The following IFFO1 variants were observed in gnomAD, a reference collection of about 807,000 sequenced individuals.
IFFO1 encodes the protein intermediate filament family orphan 1, also known as non-homologous end joining factor IFFO1.
Under a neutral mutation model 59.6 loss-of-function variants are expected in IFFO1, and 42 were observed. The observed-to-expected ratio is 0.70, with a 90% CI of 0.55 to 0.91. IFFO1 has a LOEUF of 0.91. Ranked by LOEUF, IFFO1 falls within the 40% of genes least tolerant of loss-of-function variation. IFFO1 has a pLI of 0.00. For missense variants in IFFO1, 711 were observed against 793.2 expected (o/e 0.90, Z 1.24); for synonymous variants, 336 against 342.8 (o/e 0.98, Z 0.22).
chr12:6,549,736 G>T lies in IFFO1; in HGVS notation c.1071+20C>A. 6.2e-7 allele frequency: 1 copy of T among 1,602,096 alleles called. No homozygotes were observed. The highest frequency in any genetic ancestry group is 1.1e-5 in the South Asian group (1 of 90,484). The stretch of plus-strand genomic sequence containing the variant: ...CCTGCCCCACCCACCCCTGAGAGCA[G>T]AGGGCAGCTCCGTCCTCACCTGGAA... On this transcript the variant is annotated intron_variant, in intron 4 of 9. Transcript: ENST00000619571. The surrounding 1 kb of genome is among the most constrained non-coding windows in gnomAD (Gnocchi z 5.0).
rs752590339 is a variant in IFFO1 at position 6,541,671 on chromosome 12, G to T, written c.1480-29C>A. ...TGGTGGGGCAGGCAGGGCCATCGGG[G>T]TTAACAGGTGGCGTTCACAGCGCCT... is the stretch of plus-strand genomic sequence containing the variant. On this transcript the variant is annotated intron_variant, in intron 8 of 9. Coordinates refer to ENST00000619571, the MANE Select transcript of IFFO1 (RefSeq NM_001193457.2). This position sits in a 1 kb window ranked among gnomAD's most constrained non-coding sequence, Gnocchi z 4.8. 28 of 1,612,884 alleles carry T rather than the reference G, an allele frequency of 1.7e-5. No individual in the cohort carries two copies. The highest frequency in any genetic ancestry group is 5.5e-5 in the South Asian group (5 of 91,078).
At chr12:6,546,661 T>G (rs1395169387) in intron 8 of IFFO1, among the ~76,000 whole-genome samples, 1 of 152,142 alleles carries the variant, frequency 6.6e-6, no homozygotes, top group East Asian at 1.9e-4. Flanking sequence ...TTTTTTTTTT[T>G]TGTATTTTTC....
rs766568428 is a variant in IFFO1 at position 6,549,455 on chromosome 12, C to T, written c.1080+21G>A. Reference sequence around the variant, plus strand: ...AAACTGGGACTGGGACATTAATAAGCTTGCGTGAGATCAAACTAACCAGCT... The same window carrying T: ...AAACTGGGACTGGGACATTAATAAGTTTGCGTGAGATCAAACTAACCAGCT... On this transcript the variant is annotated intron_variant, in intron 5 of 9. Transcript: ENST00000619571. This position sits in a 1 kb window ranked among gnomAD's most constrained non-coding sequence, Gnocchi z 5.0. 5 of 1,613,838 alleles carry T rather than the reference C, an allele frequency of 3.1e-6. No homozygotes were observed. The East Asian group carries it at 8.9e-5, about 29-fold the overall frequency.
intron 8 of IFFO1, among the ~76,000 whole-genome samples, chr12:6,545,147 G>A (rs954161127): frequency 4.8e-4 from 73 of 151,944 alleles, no homozygotes; most frequent in Non-Finnish European, 1.3e-4. Context: ...CCTGGGAGGT[G>A]GAGCTTGCAG....
rs1040540877 is a variant in IFFO1 at position 6,555,182 on chromosome 12, G to A, written c.773+75C>T. 6.9e-7 allele frequency: 1 copy of A among 1,455,034 alleles called. No homozygotes were observed. Among genetic ancestry groups the A allele is most frequent in the Middle Eastern group, 2.2e-4 (1 of 4,630 alleles). 90.1% of individuals were successfully genotyped at this position (1,455,034 alleles called of 1,614,324 possible). A position where few individuals can be genotyped will look rare whatever the true frequency, so the allele number is the denominator to read the frequency against. Reference sequence around the variant, plus strand: ...TCATTCTTTTCACCCCTGATTCTTCGGAACCCACACCAACTCGCGGCCCGT... The same window carrying A: ...TCATTCTTTTCACCCCTGATTCTTCAGAACCCACACCAACTCGCGGCCCGT... On this transcript the variant is annotated intron_variant, in intron 1 of 9. Transcript: ENST00000619571. The surrounding 1 kb of genome is among the most constrained non-coding windows in gnomAD (Gnocchi z 8.6).
chr12:6,542,709 G>A (rs534896699), intron 8 of IFFO1, among the ~76,000 whole-genome samples: 1 of 152,320 alleles, frequency 6.6e-6, no homozygotes, highest in South Asian at 2.1e-4. Flanking sequence ...TGGATCCACA[G>A]CTGGGGCCCC....
chr12:6,552,799 G>A (rs1231472275), intron 1 of IFFO1, among the ~76,000 whole-genome samples: 1 of 152,192 alleles, frequency 6.6e-6, no homozygotes, highest in Non-Finnish European at 1.5e-5. Flanking sequence ...GCCCACTACA[G>A]TTCTATTTGT....
rs1422848699 is a variant in IFFO1 at position 6,550,226 on chromosome 12, A to G, written c.931-330T>C. 9.3e-5 allele frequency: 32 copies of G among 344,870 alleles called. No homozygotes were observed. In the East Asian group the frequency reaches 1.5e-3, roughly 17 times the overall value. The allele number at this position is 344,870 out of a possible 1,614,324, so 21.4% of individuals were successfully genotyped here. A position where few individuals can be genotyped will look rare whatever the true frequency, so the allele number is the denominator to read the frequency against. The stretch of plus-strand genomic sequence containing the variant: ...AGAACTTACATTCCCAGAGAGAAAG[A>G]GACTCCTGGGAATTATAAGAGTGGA... On this transcript the variant is annotated intron_variant, in intron 3 of 9. Transcript: ENST00000619571.
Position 6,548,482 on chromosome 12 carries a change from C to T in IFFO1, c.1326G>A (p.Leu442=). 6.2e-7 allele frequency: 1 copy of T among 1,614,044 alleles called. No individual in the cohort carries two copies. The highest frequency in any genetic ancestry group is 8.5e-7 in the Non-Finnish European group (1 of 1,179,948). The change falls in exon 7 of 10, where the codon CTG becomes CTA. Residue 442 remains leucine (L), a synonymous_variant. Transcript: ENST00000619571. The surrounding 1 kb of genome is among the most constrained non-coding windows in gnomAD (Gnocchi z 6.1). ...SLTWEETEET[L]LLWEDFSGYA... ...AGCCTGAGAAATCCTCCCAAAGCAG[C>T]AGGGTCTCCTCAGTCTCCTCCCAAG...
chr12:6,549,288 G>A lies in IFFO1; in HGVS notation c.1080+188C>T. 1 of 659,762 alleles carries A rather than the reference G, an allele frequency of 1.5e-6. No individual in the cohort carries two copies. The highest frequency in any genetic ancestry group is 2.7e-6 in the Non-Finnish European group (1 of 371,306). 40.9% of individuals were successfully genotyped at this position (659,762 alleles called of 1,614,324 possible). A position where few individuals can be genotyped will look rare whatever the true frequency, so the allele number is the denominator to read the frequency against. ...CAGATCTGGAAAGCCGGGGGAGAAG[G>A]GAGAGAAAGAAATGCAGTCAAGAGA... On this transcript the variant is annotated intron_variant, in intron 5 of 9. Transcript: ENST00000619571. The surrounding 1 kb of genome is among the most constrained non-coding windows in gnomAD (Gnocchi z 5.0).
chr12:6,548,582 G>A lies in IFFO1; in HGVS notation c.1263-37C>T, dbSNP rs771592044. The A allele has an allele frequency of 1.2e-6, 2 of 1,613,436 alleles. No homozygotes were observed. The highest frequency in any genetic ancestry group is 2.2e-5 in the East Asian group (1 of 44,868). ...GAACCCGGGTGTCAGGGCGGGCGGG[G>A]CCTCGTCCTGGCGGGGGACTGGGGA... On this transcript the variant is annotated intron_variant, in intron 6 of 9. Coordinates refer to ENST00000619571, the MANE Select transcript of IFFO1 (RefSeq NM_001193457.2). The surrounding 1 kb of genome is among the most constrained non-coding windows in gnomAD (Gnocchi z 6.1).
At chr12:6,550,869 G>C in intron 2 of IFFO1, 72 bp downstream of exon 2, 1 of 1,602,742 alleles carries the variant, frequency 6.2e-7, no homozygotes, top group Non-Finnish European at 8.5e-7. Flanking sequence ...GGGACAGGGA[G>C]ACGGCAGCAG....
intron 9 of IFFO1, 78 bp from the exon 10 acceptor site, chr12:6,540,666 T>TCA: frequency 8.1e-7 from 1 of 1,230,102 alleles, no homozygotes; most frequent in South Asian, 1.3e-5. Context: ...TCCTGCTGCC[T>TCA]CACCCTCTGG....
chr12:6,546,922 G>A (rs2136113939), intron 8 of IFFO1, among the ~76,000 whole-genome samples: 1 of 152,308 alleles, frequency 6.6e-6, no homozygotes, highest in East Asian at 1.9e-4. Context: ...TATCTCAAAG[G>A]CTGAGTGGAA....
chr12:6,548,964 A>C lies in IFFO1; in HGVS notation c.1081-115T>G. The C allele has an allele frequency of 2.3e-6, 2 of 855,024 alleles. No homozygotes were observed. The highest frequency in any genetic ancestry group is 3.4e-5 in the South Asian group (2 of 58,698). The allele number at this position is 855,024 out of a possible 1,614,324, so 53.0% of individuals were successfully genotyped here. On this transcript the variant is annotated intron_variant, in intron 5 of 9. Transcript: ENST00000619571. This position sits in a 1 kb window ranked among gnomAD's most constrained non-coding sequence, Gnocchi z 6.1. ...GTAGGAAGGGGGGGCAGACAGAGAGAAAAGTCACAGTTACAATGACAGGAA... is the reference window on the plus strand; with the variant it reads ...GTAGGAAGGGGGGGCAGACAGAGAGCAAAGTCACAGTTACAATGACAGGAA...
intron 8 of IFFO1, among the ~76,000 whole-genome samples, chr12:6,542,675 TG>T (rs1946773124): frequency 6.6e-6 from 1 of 152,026 alleles, no homozygotes. Flanking sequence ...GAAGCCCTAG[TG>T]GGGACAGCTT....
At chr12:6,554,086 A>AT in intron 1 of IFFO1, among the ~76,000 whole-genome samples, 1 of 139,238 alleles carries the variant, frequency 7.2e-6, no homozygotes, top group Non-Finnish European at 1.6e-5. Context: ...ATTTATGGGA[A>AT]AAAAAAAAAA....
Position 6,548,896 on chromosome 12 carries a change from A to G in IFFO1, c.1081-47T>C. 6.5e-7 allele frequency: 1 copy of G among 1,527,654 alleles called. No individual in the cohort carries two copies. 94.6% of individuals were successfully genotyped at this position (1,527,654 alleles called of 1,614,324 possible). A position where few individuals can be genotyped will look rare whatever the true frequency, so the allele number is the denominator to read the frequency against. ...CATGAGGAGAAAGGGCGGGAGCGGG[A>G]GGCCGGGCAGAGAGGGTGGGAATGG... On this transcript the variant is annotated intron_variant, in intron 5 of 9. Coordinates refer to ENST00000619571, the MANE Select transcript of IFFO1 (RefSeq NM_001193457.2). This position sits in a 1 kb window ranked among gnomAD's most constrained non-coding sequence, Gnocchi z 6.1.
intron 3 of IFFO1, 97 bp downstream of exon 3, chr12:6,550,598 C>T (rs1318514067): frequency 9.7e-6 from 8 of 823,492 alleles, no homozygotes; most frequent in Non-Finnish European, 1.6e-5. Flanking sequence ...GGGGAGGAGC[C>T]GTGGACGGGA....
Sources: allele counts gnomAD v4.1 joint callset (sites outside exome capture counted in the v4.1 genomes callset), GRCh38; gene constraint gnomAD v4.1.1; non-coding constraint Gnocchi (gnomAD v3.1); transcripts MANE v1.5; gene names NCBI Gene and HGNC (gene_info 2026-07-23, HGNC 2026-07-21).